Variants in CORIN observed in about 807,000 individuals in gnomAD.
CORIN encodes corin, serine peptidase.
CORIN carries 117 observed loss-of-function variants against 125.3 expected under a neutral mutation model. The ratio of observed to expected loss-of-function variants is 0.93; its 90% CI spans 0.80 to 1.09. The LOEUF (loss-of-function observed/expected upper bound fraction) is 1.09, where lower values mean the gene tolerates loss of function less well. Among genes scored for constraint, CORIN ranks in the 50% least tolerant of loss-of-function variants. The pLI is 0.00. For missense variants in CORIN, 1,253 were observed against 1,306.7 expected, an observed-to-expected ratio of 0.96 and a Z score of 0.63; for synonymous variants, 450 against 466.4, an observed-to-expected ratio of 0.96 and a Z score of 0.45.
chr4:47,710,324 A>G (rs1343077503), intron 5 of CORIN, among the ~76,000 whole-genome samples: 3 of 152,216 alleles, frequency 2.0e-5, no homozygotes, highest in Admixed American at 2.0e-4. Context: ...GCTTGTGGAT[A>G]TTCATTTTGC....
intron 16 of CORIN, among the ~76,000 whole-genome samples, chr4:47,640,521 A>T (rs768994952): frequency 1.3e-5 from 2 of 152,210 alleles, no homozygotes; most frequent in Non-Finnish European, 2.9e-5. Context: ...GTGAGTACAC[A>T]GTTTCCTTTT....
At chr4:47,601,509 AT>A (rs35003163) in intron 20 of CORIN, among the ~76,000 whole-genome samples, 2,890 of 149,008 alleles carry the variant, frequency 0.019, 89 homozygotes, top group African/African-American at 0.063. Context: ...TGCCAAGCTA[AT>A]TTTTTTTTTG....
intron 5 of CORIN, among the ~76,000 whole-genome samples, chr4:47,694,236 T>G (rs1214947261): frequency 6.6e-6 from 1 of 152,216 alleles, no homozygotes; most frequent in Non-Finnish European, 1.5e-5. Flanking sequence ...AAAATACAGT[T>G]TGGCATCGGG....
intron 16 of CORIN, among the ~76,000 whole-genome samples, chr4:47,638,007 A>G (rs1553906469): frequency 6.7e-6 from 1 of 148,732 alleles, no homozygotes; most frequent in Non-Finnish European, 1.5e-5. Context: ...GCTGCCCAAG[A>G]CCCATGGGAA....
intron 2 of CORIN, among the ~76,000 whole-genome samples, chr4:47,800,586 G>A (rs1731496572): frequency 6.6e-6 from 1 of 152,194 alleles, no homozygotes; most frequent in African/African-American, 2.4e-5. Flanking sequence ...GCGCTGGAGA[G>A]GGAGGAGAAG....
chr4:47,650,853 T>A (rs1470319448), intron 13 of CORIN, among the ~76,000 whole-genome samples: 1 of 152,174 alleles, frequency 6.6e-6, no homozygotes, highest in Non-Finnish European at 1.5e-5. Flanking sequence ...TCTCTTAGAC[T>A]TCCTTCCCAT....
At chr4:47,837,673 C>T (rs1189455891) in intron 1 of CORIN, among the ~76,000 whole-genome samples, 1 of 152,182 alleles carries the variant, frequency 6.6e-6, no homozygotes, top group Non-Finnish European at 1.5e-5. Context: ...CGCCGGGCGA[C>T]CGGGGTGGTG....
intron 1 of CORIN, among the ~76,000 whole-genome samples, chr4:47,831,223 A>T (rs1334749776): frequency 6.6e-6 from 1 of 152,254 alleles, no homozygotes; most frequent in Non-Finnish European, 1.5e-5. Context: ...TGGTTTGGAC[A>T]TGTAGAAATG....
chr4:47,657,535 CAAAAAA>C (rs35311151), intron 12 of CORIN, among the ~76,000 whole-genome samples: 43 of 82,178 alleles, frequency 5.2e-4, no homozygotes, highest in Non-Finnish European at 5.8e-4. Flanking sequence ...ACTCCGTCTC[CAAAAAA>C]AAAAAAAAAA....
chr4:47,761,398 GGA>G (rs1729450771), intron 4 of CORIN, among the ~76,000 whole-genome samples: 2 of 151,514 alleles, frequency 1.3e-5, no homozygotes, highest in Admixed American at 1.3e-4. Context: ...CCCAGGCGAG[GGA>G]GAGAGACAAT....
At chr4:47,627,727 C>T (rs988719578) in intron 16 of CORIN, among the ~76,000 whole-genome samples, 1 of 152,172 alleles carries the variant, frequency 6.6e-6, no homozygotes, top group South Asian at 2.1e-4. Flanking sequence ...CTCCTGATAA[C>T]CTGCATCCTG....
chr4:47,772,408 A>C (rs1281136129), intron 3 of CORIN, among the ~76,000 whole-genome samples: 1 of 152,234 alleles, frequency 6.6e-6, no homozygotes. Flanking sequence ...ATTAAGTGAG[A>C]CTTAACATTG....
intron 5 of CORIN, among the ~76,000 whole-genome samples, chr4:47,720,266 A>G (rs1167120508): frequency 6.6e-6 from 1 of 152,158 alleles, no homozygotes; most frequent in Non-Finnish European, 1.5e-5. Context: ...GTTTTCTTCA[A>G]TTAGAAGTCA....
intron 5 of CORIN, among the ~76,000 whole-genome samples, chr4:47,709,132 A>G (rs1451078808): frequency 6.6e-6 from 1 of 152,172 alleles, no homozygotes; most frequent in African/African-American, 2.4e-5. Flanking sequence ...AAAGAGCAAT[A>G]TATTTCAGGA....
chr4:47,835,193 T>C (rs1295818987), intron 1 of CORIN, among the ~76,000 whole-genome samples: 2 of 152,192 alleles, frequency 1.3e-5, no homozygotes, highest in East Asian at 3.8e-4. Context: ...GTGAACCTAG[T>C]ATGTTTAGCC....
At chr4:47,598,416 C>T (rs931769792) in intron 21 of CORIN, among the ~76,000 whole-genome samples, 1 of 152,114 alleles carries the variant, frequency 6.6e-6, no homozygotes, top group African/African-American at 2.4e-5. Flanking sequence ...GTATACACCA[C>T]TGAACTCCCA....
chr4:47,699,476 G>T (rs947791903), intron 5 of CORIN, among the ~76,000 whole-genome samples: 1 of 152,140 alleles, frequency 6.6e-6, no homozygotes, highest in Non-Finnish European at 1.5e-5. Context: ...GAAGATTTCC[G>T]TTTGCTGATT....
chr4:47,836,581 A>G (rs1349773988), intron 1 of CORIN, among the ~76,000 whole-genome samples: 1 of 152,232 alleles, frequency 6.6e-6, no homozygotes, highest in East Asian at 1.9e-4. Flanking sequence ...AGTCTTGTAC[A>G]GGAGTCCGTC....
intron 10 of CORIN, among the ~76,000 whole-genome samples, chr4:47,672,119 C>A (rs1724790034): frequency 6.6e-6 from 1 of 152,120 alleles, no homozygotes; most frequent in African/African-American, 2.4e-5. Flanking sequence ...GGGAAGATGA[C>A]AATATGTTCT....
Sources: gnomAD v4.1 joint callset for allele counts (sites outside exome capture counted in the v4.1 genomes callset) on GRCh38, gnomAD v4.1.1 for gene constraint, MANE v1.5 for transcripts, NCBI Gene and HGNC (gene_info 2026-07-23, HGNC 2026-07-21) for gene names.